The following CELF4 variants were observed in gnomAD, a reference collection of about 807,000 sequenced individuals.
CELF4 encodes CUG-BP- and ETR-3-like factor 4.
Under a neutral mutation model 59.9 loss-of-function variants are expected in CELF4, and 18 were observed. The ratio of observed to expected loss-of-function variants is 0.30; its 90% CI spans 0.21 to 0.45. CELF4 has a LOEUF of 0.45. Ranked by LOEUF, CELF4 falls within the 20% of genes least tolerant of loss-of-function variation. The pLI is 1.00. For missense variants in CELF4, 456 were observed against 689.0 expected (o/e 0.66, Z 3.79); for synonymous variants, 261 against 267.1 (o/e 0.98, Z 0.22).
At chr18:37,448,258 C>CG (rs1418018180) in intron 2 of CELF4, among the ~76,000 whole-genome samples, 1 of 152,186 alleles carries the variant, frequency 6.6e-6, no homozygotes, top group Non-Finnish European at 1.5e-5. Flanking sequence ...GCCTGAAGCC[C>CG]GGGCAGTTCT....
intron 2 of CELF4, among the ~76,000 whole-genome samples, chr18:37,377,908 G>A (rs929776858): frequency 5.9e-5 from 9 of 152,182 alleles, no homozygotes; most frequent in African/African-American, 2.2e-4. Context: ...TGGGGGACTA[G>A]GGGGAACAGG....
chr18:37,437,304 T>C (rs1165873796), intron 2 of CELF4, among the ~76,000 whole-genome samples: 1 of 152,196 alleles, frequency 6.6e-6, no homozygotes. Context: ...TCCTGGTTGA[T>C]GGGGACTGGG....
At chr18:37,492,441 C>A (rs1239416137) in intron 1 of CELF4, among the ~76,000 whole-genome samples, 1 of 152,064 alleles carries the variant, frequency 6.6e-6, no homozygotes, top group Non-Finnish European at 1.5e-5. Context: ...GAGTGGATCG[C>A]AAGAGGGAGG....
intron 1 of CELF4, among the ~76,000 whole-genome samples, chr18:37,545,836 C>A (rs1603643853): frequency 6.6e-6 from 1 of 152,228 alleles, no homozygotes; most frequent in East Asian, 1.9e-4. Flanking sequence ...GGGGAGCTGA[C>A]CCCCTCTTCT....
intron 2 of CELF4, among the ~76,000 whole-genome samples, chr18:37,424,697 G>A (rs1008482862): frequency 1.3e-5 from 2 of 152,174 alleles, no homozygotes; most frequent in Non-Finnish European, 1.5e-5. Flanking sequence ...GCCCTTCCCT[G>A]CAGGTTCCCC....
chr18:37,408,629 G>A (rs1354263420), intron 2 of CELF4, among the ~76,000 whole-genome samples: 2 of 152,038 alleles, frequency 1.3e-5, no homozygotes, highest in Admixed American at 6.6e-5. Context: ...GAGTTGGGAA[G>A]ACCCAGTTCT....
At chr18:37,324,772 T>C (rs1348409012) in intron 2 of CELF4, among the ~76,000 whole-genome samples, 1 of 152,212 alleles carries the variant, frequency 6.6e-6, no homozygotes, top group African/African-American at 2.4e-5. Context: ...GAACAGCTGC[T>C]ATACTGATCG....
intron 2 of CELF4, among the ~76,000 whole-genome samples, chr18:37,351,224 C>T (rs1370025765): frequency 3.9e-5 from 6 of 152,156 alleles, no homozygotes; most frequent in South Asian, 2.1e-4. Context: ...GCAAAAGAAA[C>T]GACTCGCCAA....
intron 2 of CELF4, among the ~76,000 whole-genome samples, chr18:37,327,335 C>A (rs774050472): frequency 6.6e-6 from 1 of 152,194 alleles, no homozygotes; most frequent in African/African-American, 2.4e-5. Flanking sequence ...GTTCCTACTA[C>A]TCCTTTCCTG....
intron 3 of CELF4, among the ~76,000 whole-genome samples, chr18:37,295,918 C>T (rs1220075836): frequency 6.6e-6 from 1 of 152,212 alleles, no homozygotes; most frequent in Non-Finnish European, 1.5e-5. Context: ...TGGGTCTTCG[C>T]TTTCTCTTGC....
Position 37,534,995 on chromosome 18 carries a change from G to A in CELF4, c.286+30361C>T, listed in dbSNP as rs78354983. Among the ~76,000 whole-genome samples the A allele has an allele frequency of 3.1e-4, 47 of 152,332 alleles. No individual in the cohort carries two copies. The East Asian group carries it at 9.1e-3, about 29-fold the overall frequency. On this transcript the variant is annotated intron_variant, in intron 1 of 12. Coordinates refer to ENST00000420428, the MANE Select transcript of CELF4 (RefSeq NM_020180.4). ...GTGCCATGTCCCAAAGGCTTGCGAT[G>A]TCTACATGGCAGGCTGACGGAAAGC...
intron 2 of CELF4, among the ~76,000 whole-genome samples, chr18:37,479,952 C>T (rs770127287): frequency 4.6e-5 from 7 of 152,166 alleles, no homozygotes; most frequent in East Asian, 3.9e-4. Context: ...ACAGAGGGAA[C>T]GCCATCTACA....
chr18:37,512,646 T>C (rs1201081278), intron 1 of CELF4, among the ~76,000 whole-genome samples: 3 of 151,504 alleles, frequency 2.0e-5, no homozygotes, highest in African/African-American at 4.9e-5. Context: ...TTCTTCCTCC[T>C]CCTTCTCCAT....
At chr18:37,280,653 A>G (rs11660251) in intron 3 of CELF4, among the ~76,000 whole-genome samples, 38,076 of 152,152 alleles carry the variant, frequency 0.25, 5,457 homozygotes, top group Middle Eastern at 0.36. Context: ...AGGGACAACA[A>G]GCCCACACCA....
At chr18:37,338,795 G>GTGTGTGC (rs2097878953) in intron 2 of CELF4, among the ~76,000 whole-genome samples, 1 of 65,304 alleles carries the variant, frequency 1.5e-5, no homozygotes, top group Non-Finnish European at 3.7e-5. Context: ...TGTGTGTGTG[G>GTGTGTGC]TGTGTGTGAT....
chr18:37,279,032 C>T (rs2093768579), intron 3 of CELF4, among the ~76,000 whole-genome samples: 1 of 152,102 alleles, frequency 6.6e-6, no homozygotes, highest in Admixed American at 6.5e-5. Context: ...CCGTGCCCAC[C>T]CTCCTCCTCC....
intron 2 of CELF4, among the ~76,000 whole-genome samples, chr18:37,459,744 T>A (rs1249275008): frequency 6.6e-6 from 1 of 152,096 alleles, no homozygotes; most frequent in Non-Finnish European, 1.5e-5. Flanking sequence ...TCACACTCAG[T>A]GGGGAGCGGG....
chr18:37,414,091 A>G (rs1369859329), intron 2 of CELF4, among the ~76,000 whole-genome samples: 2 of 152,210 alleles, frequency 1.3e-5, no homozygotes, highest in African/African-American at 4.8e-5. Context: ...CTGACATAGC[A>G]GAGATAACCA....
intron 2 of CELF4, among the ~76,000 whole-genome samples, chr18:37,357,826 C>G (rs1274353524): frequency 6.6e-6 from 1 of 152,186 alleles, no homozygotes; most frequent in Non-Finnish European, 1.5e-5. Context: ...TTTTGGAGCT[C>G]TAAGATTTGA....
Sources: gnomAD v4.1 joint callset for allele counts (sites outside exome capture counted in the v4.1 genomes callset) on GRCh38, gnomAD v4.1.1 for gene constraint, MANE v1.5 for transcripts, NCBI Gene and HGNC (gene_info 2026-07-23, HGNC 2026-07-21) for gene names.